Variants in SLC18A1 observed in about 807,000 individuals in gnomAD.
The protein encoded by SLC18A1 is solute carrier family 18 member A1.
A neutral mutation model predicts 53.7 loss-of-function variants in SLC18A1; 69 were observed. The ratio of observed to expected loss-of-function variants is 1.28; its 90% CI spans 1.06 to 1.57. SLC18A1 has a LOEUF of 1.57. Ranked by LOEUF, SLC18A1 falls within the 40% of genes most tolerant of loss-of-function variation. The pLI is 0.00. For synonymous variants in SLC18A1, 320 were observed against 248.1 expected, an observed-to-expected ratio of 1.29 and a Z score of -2.72; for missense variants, 932 against 668.1, an observed-to-expected ratio of 1.40 and a Z score of -4.35.
chr8:20,151,842 T>G (rs972881512), intron 10 of SLC18A1, among the ~76,000 whole-genome samples: 8 of 152,228 alleles, frequency 5.3e-5, no homozygotes, highest in African/African-American at 1.7e-4. Context: ...TTTGACCATG[T>G]GTCAGGTATT....
At chr8:20,164,252 C>T (rs2071897860) in intron 10 of SLC18A1, among the ~76,000 whole-genome samples, 2 of 152,254 alleles carry the variant, frequency 1.3e-5, no homozygotes, top group South Asian at 2.1e-4. Context: ...CTCCAAGCTC[C>T]TCTCTAAGTC....
chr8:20,168,388 A>C (rs1422246051), intron 8 of SLC18A1, among the ~76,000 whole-genome samples: 3 of 148,844 alleles, frequency 2.0e-5, no homozygotes, highest in Non-Finnish European at 3.0e-5. Flanking sequence ...TAAACAAGTA[A>C]ATAGAGTGAT....
In SLC18A1 at chr8:20,181,059, AG is replaced by A; in HGVS notation, c.-96del. Reference sequence around the variant, plus strand: ...TCCTGCAGCCTTTATGGAAGAGGGGAGGGAGTCTGCCCAGACGAAGGAAACT... The same window carrying A: ...TCCTGCAGCCTTTATGGAAGAGGGGAGGAGTCTGCCCAGACGAAGGAAACT... On this transcript the variant is annotated 5_prime_UTR_variant, in exon 2 of 16. Transcript: ENST00000276373. The A allele has an allele frequency of 1.4e-6, 2 of 1,442,194 alleles. No homozygotes were observed. The highest frequency in any genetic ancestry group is 1.9e-6 in the Non-Finnish European group (2 of 1,079,288). 89.3% of individuals were successfully genotyped at this position (1,442,194 alleles called of 1,614,324 possible).
chr8:20,152,471 G>T (rs1460961996), intron 10 of SLC18A1, among the ~76,000 whole-genome samples: 1 of 152,166 alleles, frequency 6.6e-6, no homozygotes, highest in African/African-American at 2.4e-5. Flanking sequence ...GAGGTAAGTT[G>T]GTGACATTTT....
At chr8:20,179,049 A>T (rs971852438) in intron 3 of SLC18A1, 72 bp downstream of exon 3, 1 of 1,511,068 alleles carries the variant, frequency 6.6e-7, no homozygotes, top group African/African-American at 1.4e-5. Context: ...TTTCCCTTCC[A>T]ACCCCCTTTC....
intron 10 of SLC18A1, among the ~76,000 whole-genome samples, chr8:20,155,879 C>A (rs1343802881): frequency 6.6e-6 from 1 of 152,196 alleles, no homozygotes; most frequent in African/African-American, 2.4e-5. Context: ...TCAACATGGG[C>A]AGTTATGTGG....
At chr8:20,178,111 T>G (rs1360701165) in intron 4 of SLC18A1, among the ~76,000 whole-genome samples, 1 of 117,960 alleles carries the variant, frequency 8.5e-6, no homozygotes, top group East Asian at 2.5e-4. Context: ...AAGGGATTAC[T>G]GATGCATATA....
chr8:20,148,301 G>A (rs1302787517), intron 12 of SLC18A1: 1 of 596,204 alleles, frequency 1.7e-6, no homozygotes, highest in African/African-American at 1.9e-5. Flanking sequence ...CAGAGTTACA[G>A]ATCTAATGAG....
chr8:20,173,226 T>G (rs2072170595), intron 5 of SLC18A1, 98 bp from the exon 6 acceptor site: 5 of 839,318 alleles, frequency 6.0e-6, no homozygotes, highest in Non-Finnish European at 9.2e-6. Flanking sequence ...AGTGACAATC[T>G]TAGCTAGAGT....
chr8:20,152,180 T>C (rs2071574401), intron 10 of SLC18A1, among the ~76,000 whole-genome samples: 1 of 152,112 alleles, frequency 6.6e-6, no homozygotes, highest in South Asian at 2.1e-4. Context: ...AATCATTTAG[T>C]TTGCTCTAAG....
At position 20,173,171 on chromosome 8, in the gene SLC18A1, T is replaced by C. The variant is rs1207028582; in HGVS notation, c.632-43A>G. ...GATGCAGCTGGCCCCCTGGGGGGCTTCTATCCGCCTCTCAGAGCCCTTGGT... is the reference window on the plus strand; with the variant it reads ...GATGCAGCTGGCCCCCTGGGGGGCTCCTATCCGCCTCTCAGAGCCCTTGGT... On this transcript the variant is annotated intron_variant, in intron 5 of 15. Coordinates refer to ENST00000276373, the MANE Select transcript of SLC18A1 (RefSeq NM_003053.4). The C allele has an allele frequency of 2.1e-6, 3 of 1,410,988 alleles. No individual in the cohort carries two copies. In the African/African-American group the frequency reaches 4.3e-5, roughly 20 times the overall value. 87.4% of individuals were successfully genotyped at this position (1,410,988 alleles called of 1,614,324 possible).
At chr8:20,170,990 TCG>T (rs2072100483) in intron 8 of SLC18A1, 111 bp downstream of exon 8, 4 of 1,005,726 alleles carry the variant, frequency 4.0e-6, no homozygotes, top group Middle Eastern at 2.6e-4. Flanking sequence ...GTTCTCACTT[TCG>T]CTGACCCTAT....
chr8:20,182,042 A>G (rs2072441675), intron 1 of SLC18A1: 2 of 152,192 alleles, frequency 1.3e-5, no homozygotes, highest in Admixed American at 1.3e-4. Context: ...ACCTTGTCAA[A>G]CTTCAAGTAA....
intron 4 of SLC18A1, chr8:20,175,279 C>A (rs959846938): frequency 3.9e-5 from 6 of 152,176 alleles, no homozygotes; most frequent in Admixed American, 3.9e-4. Flanking sequence ...ATTGTTCAAA[C>A]ACACACGCTT....
At chr8:20,175,824 A>G (rs1461977833) in intron 4 of SLC18A1, 2 of 152,084 alleles carry the variant, frequency 1.3e-5, no homozygotes, top group African/African-American at 4.8e-5. Flanking sequence ...GATCACACCG[A>G]ACTTCTCCTT....
chr8:20,146,597 C>T lies in SLC18A1; in HGVS notation c.1464+661G>A, dbSNP rs140423216. Reference sequence around the variant, plus strand: ...AAATCCTATGGTATGGATCTCTTCCCTGGGGTTTTTGTACTTTTAAAAACG... The same window carrying T: ...AAATCCTATGGTATGGATCTCTTCCTTGGGGTTTTTGTACTTTTAAAAACG... On this transcript the variant is annotated intron_variant, in intron 15 of 15. Transcript: ENST00000276373. 7.4e-4 allele frequency among the ~76,000 whole-genome samples: 113 copies of T among 152,216 alleles called. 1 individual carries two copies. The highest frequency in any genetic ancestry group is 2.6e-3 in the African/African-American group (106 of 41,538).
chr8:20,180,078 T>C (rs2072384387), intron 2 of SLC18A1, among the ~76,000 whole-genome samples: 1 of 151,484 alleles, frequency 6.6e-6, no homozygotes, highest in South Asian at 2.1e-4. Context: ...AAACACGATG[T>C]ACCACGATGT....
Position 20,165,042 on chromosome 8 carries a change from C to G in SLC18A1, c.919+5G>C. Reference sequence around the variant, plus strand: ...CCGCCCAATGGGAGGTCATCGCCAGCTTACCTGCAGCCACCAGGATGTAAG... The same window carrying G: ...CCGCCCAATGGGAGGTCATCGCCAGGTTACCTGCAGCCACCAGGATGTAAG... On this transcript the variant is annotated splice_donor_5th_base_variant and intron_variant, in intron 9 of 15. Coordinates refer to ENST00000276373, the MANE Select transcript of SLC18A1 (RefSeq NM_003053.4). 4 of 1,614,158 alleles carry G rather than the reference C, an allele frequency of 2.5e-6. No individual in the cohort carries two copies. Among genetic ancestry groups the G allele is most frequent in the East Asian group, 2.2e-5 (1 of 44,876 alleles).
At chr8:20,171,605 C>A in intron 6 of SLC18A1, 111 bp from the exon 7 acceptor site, 1 of 799,908 alleles carries the variant, frequency 1.3e-6, no homozygotes, top group Non-Finnish European at 2.1e-6. Flanking sequence ...AGGGGCTAAG[C>A]TCCACCTGAG....
Sources: allele counts gnomAD v4.1 joint callset (sites outside exome capture counted in the v4.1 genomes callset), GRCh38; gene constraint gnomAD v4.1.1; transcripts MANE v1.5; gene names NCBI Gene and HGNC (gene_info 2026-07-23, HGNC 2026-07-21).